The following MGLL variants were observed in gnomAD, a reference collection of about 807,000 sequenced individuals.
The protein encoded by MGLL is monoglyceride lipase.
MGLL carries 7 observed loss-of-function variants against 29.1 expected under a neutral mutation model. The observed-to-expected ratio is 0.24, with a 90% CI of 0.14 to 0.45. The LOEUF (loss-of-function observed/expected upper bound fraction) is 0.45. Among genes scored for constraint, MGLL ranks in the 20% least tolerant of loss-of-function variants. The pLI is 0.99. For missense variants in MGLL, 356 were observed against 413.6 expected (o/e 0.86, Z 1.21); for synonymous variants, 148 against 168.3 (o/e 0.88, Z 0.93).
chr3:127,752,600 T>C (rs922496878), intron 3 of MGLL, among the ~76,000 whole-genome samples: 2 of 152,168 alleles, frequency 1.3e-5, no homozygotes, highest in Non-Finnish European at 1.5e-5. Flanking sequence ...CAACTTTTCA[T>C]GATAATGAGG....
intron 2 of MGLL, among the ~76,000 whole-genome samples, chr3:127,815,744 C>A (rs2077743466): frequency 6.6e-6 from 1 of 152,246 alleles, no homozygotes; most frequent in Non-Finnish European, 1.5e-5. Context: ...AGCCTCTGCC[C>A]AGTGGGCACC....
intron 2 of MGLL, among the ~76,000 whole-genome samples, chr3:127,797,700 C>T (rs969882507): frequency 2.6e-5 from 4 of 152,156 alleles, no homozygotes; most frequent in South Asian, 4.1e-4. Context: ...CTCAAACTCC[C>T]GGGCTCAAGC....
At chr3:127,743,167 A>C (rs1374624527) in intron 3 of MGLL, among the ~76,000 whole-genome samples, 1 of 152,222 alleles carries the variant, frequency 6.6e-6, no homozygotes, top group Non-Finnish European at 1.5e-5. Flanking sequence ...AAGCCAGCTC[A>C]GTGGCCACCT....
chr3:127,781,070 G>T (rs1397073353), intron 3 of MGLL, among the ~76,000 whole-genome samples: 3 of 152,130 alleles, frequency 2.0e-5, no homozygotes, highest in Non-Finnish European at 2.9e-5. Flanking sequence ...CCTGGCCTGG[G>T]GTTGTGTGTG....
chr3:127,750,258 G>C (rs945745267), intron 3 of MGLL, among the ~76,000 whole-genome samples: 1 of 152,094 alleles, frequency 6.6e-6, no homozygotes, highest in South Asian at 2.1e-4. Flanking sequence ...CTGTGGAGAA[G>C]GCATCTGAGT....
chr3:127,718,763 GGAGA>G (rs1420880149), intron 5 of MGLL, among the ~76,000 whole-genome samples: 1 of 152,072 alleles, frequency 6.6e-6, no homozygotes, highest in Non-Finnish European at 1.5e-5. Flanking sequence ...ACGCCAACCG[GGAGA>G]GAGACTCTCC....
intron 2 of MGLL, among the ~76,000 whole-genome samples, chr3:127,811,533 A>C (rs990145363): frequency 6.6e-6 from 1 of 152,220 alleles, no homozygotes; most frequent in Non-Finnish European, 1.5e-5. Flanking sequence ...CAGATTTCAA[A>C]AATGACCACA....
At chr3:127,758,094 G>A (rs906308850) in intron 3 of MGLL, among the ~76,000 whole-genome samples, 3 of 152,146 alleles carry the variant, frequency 2.0e-5, no homozygotes, top group Admixed American at 6.5e-5. Context: ...CTGTTCATGA[G>A]TCAGGCACCC....
At chr3:127,699,677 C>T (rs369797703) in intron 6 of MGLL, among the ~76,000 whole-genome samples, 38 of 152,316 alleles carry the variant, frequency 2.5e-4, no homozygotes, top group African/African-American at 8.4e-4. Context: ...CTGCCTGTCT[C>T]GAGAGGAGAA....
chr3:127,801,128 C>G (rs2107736523), intron 2 of MGLL, among the ~76,000 whole-genome samples: 1 of 151,382 alleles, frequency 6.6e-6, no homozygotes, highest in East Asian at 1.9e-4. Flanking sequence ...ATGGTGAAAC[C>G]CCATCTCTAG....
intron 3 of MGLL, among the ~76,000 whole-genome samples, chr3:127,755,396 C>T (rs1331518909): frequency 6.6e-6 from 1 of 152,178 alleles, no homozygotes; most frequent in Non-Finnish European, 1.5e-5. Context: ...GGTCTCAGCT[C>T]CTTCCCTTAC....
At chr3:127,755,951 C>G (rs1241218092) in intron 3 of MGLL, among the ~76,000 whole-genome samples, 1 of 152,212 alleles carries the variant, frequency 6.6e-6, no homozygotes, top group African/African-American at 2.4e-5. Context: ...GCAGAGCACT[C>G]TACCTCCCAG....
chr3:127,714,311 C>A (rs2075774690), intron 5 of MGLL, among the ~76,000 whole-genome samples: 1 of 152,114 alleles, frequency 6.6e-6, no homozygotes, highest in Non-Finnish European at 1.5e-5. Flanking sequence ...GTGGGGAGAG[C>A]ACATCCTGCT....
At chr3:127,719,203 G>T (rs1559920232) in intron 5 of MGLL, among the ~76,000 whole-genome samples, 1 of 152,224 alleles carries the variant, frequency 6.6e-6, no homozygotes, top group African/African-American at 2.4e-5. Flanking sequence ...AGAGCCCAGG[G>T]GGCTCTGGGA....
At chr3:127,717,957 T>C (rs1002352385) in intron 5 of MGLL, among the ~76,000 whole-genome samples, 1 of 152,238 alleles carries the variant, frequency 6.6e-6, no homozygotes, top group Admixed American at 6.5e-5. Flanking sequence ...CATGGAGTTT[T>C]TGTTTCTGAA....
In MGLL at chr3:127,710,001, C is replaced by G. The variant is rs560470377; in HGVS notation, c.600+575G>C. 5.3e-5 allele frequency among the ~76,000 whole-genome samples: 8 copies of G among 152,358 alleles called. No individual in the cohort carries two copies. In the South Asian group the frequency reaches 1.2e-3, roughly 24 times the overall value. On this transcript the variant is annotated intron_variant, in intron 6 of 7. Coordinates refer to ENST00000265052, the MANE Select transcript of MGLL (RefSeq NM_007283.7). ...AGTGGGTGGGGATGATACTACCCCC[C>G]TTTCCTGGACAAATAATCCAGGCCT...
intron 2 of MGLL, among the ~76,000 whole-genome samples, chr3:127,817,694 T>C (rs1466915400): frequency 6.6e-6 from 1 of 152,264 alleles, no homozygotes; most frequent in Non-Finnish European, 1.5e-5. Flanking sequence ...TAAGTCATCA[T>C]ATTGCACAAT....
Position 127,811,047 on chromosome 3 carries a change from C to G in MGLL, c.155+10647G>C, listed in dbSNP as rs1034727219. Among the ~76,000 whole-genome samples, 3 of 149,240 alleles carry G rather than the reference C, an allele frequency of 2.0e-5. 1 individual carries two copies. Among genetic ancestry groups the G allele is most frequent in the Admixed American group, 2.0e-4 (3 of 15,212 alleles). On this transcript the variant is annotated intron_variant, in intron 2 of 7. Transcript: ENST00000265052. ...ATATTCTTCTTCTAGGTGTCACTAA[C>G]TCCTTCGGTGATACTTCTGGATTTA...
At chr3:127,710,848 C>T in intron 5 of MGLL, 183 bp from the exon 6 acceptor site, 3 of 640,160 alleles carry the variant, frequency 4.7e-6, no homozygotes, top group Non-Finnish European at 8.6e-6. Context: ...GACTCAGCCT[C>T]TATTCAGCCT....
Sources: allele counts gnomAD v4.1 joint callset (sites outside exome capture counted in the v4.1 genomes callset), GRCh38; gene constraint gnomAD v4.1.1; transcripts MANE v1.5; gene names NCBI Gene and HGNC (gene_info 2026-07-23, HGNC 2026-07-21).